The following ISX variants were observed in gnomAD, a reference collection of about 807,000 sequenced individuals.
ISX encodes intestine-specific homeobox.
ISX carries 15 observed loss-of-function variants against 16.9 expected under a neutral mutation model. That is an observed-to-expected ratio of 0.89 (90% CI 0.59 to 1.36). The LOEUF (loss-of-function observed/expected upper bound fraction) is 1.36. Among genes scored for constraint, ISX ranks in the 40% most tolerant of loss-of-function variants. The pLI is 0.00. For synonymous variants in ISX, 125 were observed against 119.7 expected, an observed-to-expected ratio of 1.04 and a Z score of -0.29; for missense variants, 316 against 306.1, an observed-to-expected ratio of 1.03 and a Z score of -0.24.
chr22:35,080,896 T>C (rs1467993654), intron 2 of ISX, among the ~76,000 whole-genome samples: 3 of 152,196 alleles, frequency 2.0e-5, no homozygotes, highest in African/African-American at 4.8e-5. Flanking sequence ...GTGACCACCA[T>C]GTATTCTAGG....
In ISX at chr22:35,085,916, G is replaced by A. The variant is rs141018696; in HGVS notation, c.*223G>A. On this transcript the variant is annotated 3_prime_UTR_variant, in exon 5 of 5. Transcript: ENST00000404699. ...TCTCCTGGCTAAAGCTGCTCTCCTG[G>A]TTCAGAAGACAGGCTGGATGAGATC... 9.5e-5 allele frequency: 56 copies of A among 587,840 alleles called. No homozygotes were observed. The highest frequency in any genetic ancestry group is 7.8e-4 in the African/African-American group (42 of 53,656). The allele number at this position is 587,840 out of a possible 1,614,324, so 36.4% of individuals were successfully genotyped here. A position where few individuals can be genotyped will look rare whatever the true frequency, so the allele number is the denominator to read the frequency against.
chr22:35,081,379 G>T (rs1314225354), intron 2 of ISX, among the ~76,000 whole-genome samples: 1 of 152,192 alleles, frequency 6.6e-6, no homozygotes, highest in Non-Finnish European at 1.5e-5. Flanking sequence ...AGATGCTCAG[G>T]ACCCTGTGCT....
intron 2 of ISX, among the ~76,000 whole-genome samples, chr22:35,069,092 T>C (rs362019): frequency 0.51 from 78,257 of 152,000 alleles, 20,418 homozygotes; most frequent in East Asian, 0.79. Context: ...TAGATAAAGA[T>C]GATCTAGCTC....
intron 2 of ISX, among the ~76,000 whole-genome samples, chr22:35,081,362 C>T (rs923217406): frequency 2.6e-5 from 4 of 152,128 alleles, no homozygotes; most frequent in African/African-American, 9.7e-5. Flanking sequence ...GTGTGTATGG[C>T]CAATGCAGAT....
chr22:35,083,753 AG>A (rs1293248147), intron 3 of ISX, among the ~76,000 whole-genome samples: 2 of 152,132 alleles, frequency 1.3e-5, no homozygotes, highest in African/African-American at 2.4e-5. Context: ...CTTCCCATCT[AG>A]AATCAGGCAC....
chr22:35,076,409 TC>T (rs926640625), intron 2 of ISX, among the ~76,000 whole-genome samples: 73 of 152,342 alleles, frequency 4.8e-4, no homozygotes, highest in African/African-American at 1.7e-3. Flanking sequence ...CTTGCCTTGT[TC>T]CCTGTGGGCA....
chr22:35,082,444 C>A (rs1428212711), intron 2 of ISX, 74 bp from the exon 3 acceptor site: 1 of 1,472,770 alleles, frequency 6.8e-7, no homozygotes, highest in Admixed American at 1.7e-5. Context: ...AAGGGTAGGA[C>A]AAGGCAACAC....
chr22:35,070,023 G>A lies in ISX; in HGVS notation c.229+2707G>A, dbSNP rs73883503. Among the ~76,000 whole-genome samples the A allele has an allele frequency of 7.4e-4, 113 of 152,336 alleles. 1 individual carries two copies. Among genetic ancestry groups the A allele is most frequent in the African/African-American group, 2.6e-3 (109 of 41,564 alleles). Reference sequence around the variant, plus strand: ...ATGATTCTGATGTTGGTGGCCCAAGGAAGTGGTCCTTAGAGGAAGCTGAGA... The same window carrying A: ...ATGATTCTGATGTTGGTGGCCCAAGAAAGTGGTCCTTAGAGGAAGCTGAGA... On this transcript the variant is annotated intron_variant, in intron 2 of 4. Transcript: ENST00000404699.
At chr22:35,068,023 C>T (rs2146286314) in intron 2 of ISX, among the ~76,000 whole-genome samples, 1 of 152,364 alleles carries the variant, frequency 6.6e-6, no homozygotes, top group South Asian at 2.1e-4. Flanking sequence ...CACCTGCTAA[C>T]AGTCAGGAAC....
At chr22:35,067,351 G>C (rs1411532383) in intron 2 of ISX, 35 bp downstream of exon 2, 11 of 1,454,168 alleles carry the variant, frequency 7.6e-6, no homozygotes, top group Non-Finnish European at 1.0e-5. Flanking sequence ...TCTGTTTCCT[G>C]GTCTCCAAGA....
chr22:35,071,882 T>G (rs527376835), intron 2 of ISX, among the ~76,000 whole-genome samples: 6 of 152,180 alleles, frequency 3.9e-5, no homozygotes, highest in Admixed American at 1.3e-4. Flanking sequence ...TCCGTAGCCC[T>G]CCTCCTCCCC....
rs368929942 is a variant in ISX, at chr22:35,082,603, C to A, written c.315C>A (p.His105Gln). 5.6e-6 allele frequency: 9 copies of A among 1,614,092 alleles called. No individual in the cohort carries two copies. The highest frequency in any genetic ancestry group is 3.3e-5 in the Admixed American group (2 of 60,016). Reference sequence around the variant, plus strand: ...TGGAGAAGATCTTCCACTTTACCCACTACCCAGACGTTCACATCCGCAGCC... The same window carrying A: ...TGGAGAAGATCTTCCACTTTACCCAATACCCAGACGTTCACATCCGCAGCC... ...HELEKIFHFT[H>Q]YPDVHIRSQL... is the part of the protein sequence containing the mutation. The change falls in exon 3 of 5, where the codon CAC becomes CAA. Residue 105 changes from histidine (H) to glutamine (Q), a missense_variant. Physicochemically the swap from His to Gln is conservative, Grantham distance 24. Coordinates refer to ENST00000404699, the MANE Select transcript of ISX (RefSeq NM_001303508.2).
chr22:35,085,299 G>A (rs543796378), intron 4 of ISX, among the ~76,000 whole-genome samples, 155 bp from the exon 5 acceptor site: 2 of 152,248 alleles, frequency 1.3e-5, no homozygotes, highest in South Asian at 4.1e-4. Flanking sequence ...GGTCCACACA[G>A]GACTTTCAGA....
intron 4 of ISX, among the ~76,000 whole-genome samples, chr22:35,084,864 G>A (rs1489208916): frequency 2.0e-5 from 3 of 152,190 alleles, no homozygotes; most frequent in Non-Finnish European, 4.4e-5. Context: ...TGCCTGAGGA[G>A]TGGCTTGGAA....
At chr22:35,070,603 T>C (rs1201930640) in intron 2 of ISX, among the ~76,000 whole-genome samples, 1 of 152,252 alleles carries the variant, frequency 6.6e-6, no homozygotes, top group Non-Finnish European at 1.5e-5. Flanking sequence ...GCTCACCATC[T>C]ATTCATTCAG....
At chr22:35,072,051 C>A (rs361868) in intron 2 of ISX, among the ~76,000 whole-genome samples, 2 of 152,042 alleles carry the variant, frequency 1.3e-5, no homozygotes, top group Admixed American at 6.5e-5. Flanking sequence ...TCAGAGCAGA[C>A]GAGAACAGGG....
intron 2 of ISX, among the ~76,000 whole-genome samples, chr22:35,072,953 G>A (rs902329483): frequency 1.3e-5 from 2 of 152,150 alleles, no homozygotes; most frequent in East Asian, 3.9e-4. Context: ...TTATGTCCAC[G>A]GTGGTTCACT....
intron 2 of ISX, among the ~76,000 whole-genome samples, chr22:35,069,066 G>A (rs546877632): frequency 6.6e-6 from 1 of 152,254 alleles, no homozygotes; most frequent in East Asian, 1.9e-4. Flanking sequence ...CTCTCAAGAT[G>A]ACCTTGGTGG....
chr22:35,068,922 G>A (rs1928776246), intron 2 of ISX, among the ~76,000 whole-genome samples: 1 of 152,220 alleles, frequency 6.6e-6, no homozygotes, highest in Non-Finnish European at 1.5e-5. Context: ...TGTGAGTAAT[G>A]AGCACTAGAA....
Sources: gnomAD v4.1 joint callset for allele counts (sites outside exome capture counted in the v4.1 genomes callset) on GRCh38, gnomAD v4.1.1 for gene constraint, MANE v1.5 for transcripts, NCBI Gene and HGNC (gene_info 2026-07-23, HGNC 2026-07-21) for gene names.